Variants in NAALADL2 observed in about 807,000 individuals in gnomAD.
NAALADL2 encodes N-acetylated alpha-linked acidic dipeptidase like 2, also known as inactive N-acetylated-alpha-linked acidic dipeptidase-like protein 2.
Under a neutral mutation model 87.2 loss-of-function variants are expected in NAALADL2, and 76 were observed. The observed-to-expected ratio is 0.87, with a 90% CI of 0.72 to 1.05. The LOEUF (loss-of-function observed/expected upper bound fraction) is 1.05. Among genes scored for constraint, NAALADL2 ranks in the 50% least tolerant of loss-of-function variants. NAALADL2 has a pLI of 0.00. For missense variants in NAALADL2, 1,089 were observed against 945.8 expected, an observed-to-expected ratio of 1.15 and a Z score of -1.99; for synonymous variants, 354 against 331.0, an observed-to-expected ratio of 1.07 and a Z score of -0.75.
Position 175,692,498 on chromosome 3 carries a change from C to G in NAALADL2, c.1897-44808C>G, listed in dbSNP as rs539871316. Among the ~76,000 whole-genome samples, 13 of 152,178 alleles carry G rather than the reference C, an allele frequency of 8.5e-5. No homozygotes were observed. In the South Asian group the frequency reaches 2.5e-3, roughly 29 times the overall value. ...CTTACACTTATTTTTAGCCACAGAT[C>G]TAGTTGGCTGAAACTAGTCAGGACA... On this transcript the variant is annotated intron_variant, in intron 11 of 13. Coordinates refer to ENST00000454872, the MANE Select transcript of NAALADL2 (RefSeq NM_207015.3).
At chr3:175,050,573 C>A (rs1339863279) in intron 1 of NAALADL2, among the ~76,000 whole-genome samples, 4 of 152,060 alleles carry the variant, frequency 2.6e-5, no homozygotes, top group African/African-American at 9.7e-5. Flanking sequence ...TACTGTGGGG[C>A]TATTGTTTTT....
chr3:174,802,332 A>C (rs2109255490), intron 3 of NAALADL2, among the ~76,000 whole-genome samples: 1 of 152,272 alleles, frequency 6.6e-6, no homozygotes. Context: ...GATAAATGCT[A>C]TAAATAAAAA....
intron 1 of NAALADL2, among the ~76,000 whole-genome samples, chr3:175,061,878 G>A (rs976684680): frequency 2.0e-5 from 3 of 151,946 alleles, no homozygotes; most frequent in African/African-American, 7.3e-5. Flanking sequence ...ATACATAGAT[G>A]CACTTGGGTA....
chr3:174,575,620 C>G (rs1393683838), intron 2 of NAALADL2, among the ~76,000 whole-genome samples: 1 of 152,078 alleles, frequency 6.6e-6, no homozygotes, highest in East Asian at 1.9e-4. Flanking sequence ...GGTTATAAAT[C>G]TTAAGGAATA....
intron 1 of NAALADL2, among the ~76,000 whole-genome samples, chr3:174,512,187 C>T (rs961518544): frequency 3.9e-5 from 6 of 152,030 alleles, no homozygotes; most frequent in Admixed American, 2.0e-4. Flanking sequence ...GTCTGAAAAA[C>T]GTATTTAATT....
intron 1 of NAALADL2, among the ~76,000 whole-genome samples, chr3:174,488,984 C>T (rs369259678): frequency 1.4e-4 from 21 of 152,178 alleles, no homozygotes; most frequent in African/African-American, 5.1e-4. Context: ...CCCTTTCTAA[C>T]ATGTTATCAC....
exon 3 of NAALADL2, chr3:174,737,698 C>T (rs1474804619): frequency 6.6e-6 from 1 of 152,146 alleles, no homozygotes; most frequent in Non-Finnish European, 1.5e-5. Context: ...TTGTCAGTCT[C>T]CTGTAACCTG....
chr3:175,587,055 G>A (rs1268155106), intron 10 of NAALADL2, among the ~76,000 whole-genome samples: 1 of 152,184 alleles, frequency 6.6e-6, no homozygotes, highest in Non-Finnish European at 1.5e-5. Flanking sequence ...GGTCCCAAGA[G>A]TAGTGGGTCC....
Position 175,385,971 on chromosome 3 carries a change from A to G in NAALADL2, c.1091-61258A>G, listed in dbSNP as rs566349837. 1.8e-3 allele frequency among the ~76,000 whole-genome samples: 275 copies of G among 152,028 alleles called. 1 individual carries two copies. The highest frequency in any genetic ancestry group is 8.5e-4 in the Non-Finnish European group (58 of 67,898). ...AATAAAAGATTTTTTGAAAAGACCAATGGCCCCTCAGATAAATAGTCGATA... is the reference window on the plus strand; with the variant it reads ...AATAAAAGATTTTTTGAAAAGACCAGTGGCCCCTCAGATAAATAGTCGATA... On this transcript the variant is annotated intron_variant, in intron 5 of 13. Coordinates refer to ENST00000454872, the MANE Select transcript of NAALADL2 (RefSeq NM_207015.3).
intron 11 of NAALADL2, among the ~76,000 whole-genome samples, chr3:175,673,448 G>C (rs1734278376): frequency 6.6e-6 from 1 of 152,112 alleles, no homozygotes; most frequent in Admixed American, 6.5e-5. Context: ...TATGTTGATA[G>C]ATCTATGTAT....
chr3:175,056,649 A>G (rs115224223), intron 1 of NAALADL2, among the ~76,000 whole-genome samples: 3,146 of 152,290 alleles, frequency 0.021, 48 homozygotes, highest in Admixed American at 0.031. Context: ...ACAGAGATTT[A>G]CCTATGTATT....
In NAALADL2 at chr3:175,697,717, A is replaced by T. The variant is rs575039738; in HGVS notation, c.1897-39589A>T. On this transcript the variant is annotated intron_variant, in intron 11 of 13. Coordinates refer to ENST00000454872, the MANE Select transcript of NAALADL2 (RefSeq NM_207015.3). ...ATTATTAAATTTATTATTATTTATT[A>T]AAAAAGCAAATTTATATATTTACAT... Among the ~76,000 whole-genome samples, 56 of 149,506 alleles carry T rather than the reference A, an allele frequency of 3.7e-4. No homozygotes were observed. The East Asian group carries it at 5.7e-3, about 15-fold the overall frequency.
At chr3:174,563,384 ATT>A (rs1344157083) in intron 2 of NAALADL2, among the ~76,000 whole-genome samples, 1 of 151,662 alleles carries the variant, frequency 6.6e-6, no homozygotes, top group Non-Finnish European at 1.5e-5. Context: ...TGAGATAAAA[ATT>A]AAAATATATT....
chr3:175,247,179 G>A (rs191787264), intron 3 of NAALADL2, among the ~76,000 whole-genome samples: 12 of 152,168 alleles, frequency 7.9e-5, no homozygotes, highest in Admixed American at 5.9e-4. Context: ...ATAAATCAGT[G>A]AGGAGAAGAA....
chr3:175,449,204 G>T (rs1019458177), intron 6 of NAALADL2, among the ~76,000 whole-genome samples: 1 of 151,892 alleles, frequency 6.6e-6, no homozygotes, highest in Admixed American at 6.6e-5. Flanking sequence ...TCAGCCTTCC[G>T]AGTAGCTAGG....
At chr3:174,821,972 A>G (rs901794482) in intron 3 of NAALADL2, among the ~76,000 whole-genome samples, 1 of 152,314 alleles carries the variant, frequency 6.6e-6, no homozygotes, top group Middle Eastern at 3.4e-3. Context: ...GTGGAAACGA[A>G]GTCGTTAAAA....
chr3:175,802,699 ATCAGAT>A (rs1754326105), intron 13 of NAALADL2, among the ~76,000 whole-genome samples: 1 of 147,478 alleles, frequency 6.8e-6, no homozygotes, highest in African/African-American at 2.7e-5. Flanking sequence ...ATCTAGAAAC[ATCAGAT>A]TCAGATACAA....
rs1054010070 is a variant in NAALADL2, at chr3:175,576,196, T to G, written c.1800+9T>G. 2 of 1,608,786 alleles carry G rather than the reference T, an allele frequency of 1.2e-6. No homozygotes were observed. The highest frequency in any genetic ancestry group is 3.4e-5 in the Admixed American group (2 of 58,916). ...ACATCAAAACATTAGAGGTGATTGT[T>G]CCTAAAAAATGCAAAACACACACAC... On this transcript the variant is annotated intron_variant, in intron 10 of 13. Transcript: ENST00000454872.
chr3:174,469,983 A>T (rs1177868444), intron 1 of NAALADL2, among the ~76,000 whole-genome samples: 5 of 151,780 alleles, frequency 3.3e-5, no homozygotes, highest in South Asian at 2.1e-4. Flanking sequence ...GTTTTTTTTT[A>T]AAGTATTCTT....
Sources: gnomAD v4.1 joint callset for allele counts (sites outside exome capture counted in the v4.1 genomes callset) on GRCh38, gnomAD v4.1.1 for gene constraint, MANE v1.5 for transcripts, NCBI Gene and HGNC (gene_info 2026-07-23, HGNC 2026-07-21) for gene names.